KHDRBS2: variants seen among roughly 807,000 people sequenced by gnomAD.
KHDRBS2 encodes KH domain-containing, RNA-binding, signal transduction-associated protein 2.
A neutral mutation model predicts 44.3 loss-of-function variants in KHDRBS2; 26 were observed. The observed-to-expected ratio is 0.59, with a 90% CI of 0.43 to 0.81. The LOEUF is 0.81. KHDRBS2 is among the 40% of genes least tolerant of loss of function. The pLI is 0.00. For synonymous variants in KHDRBS2, 194 were observed against 151.1 expected (o/e 1.28, Z -2.08); for missense variants, 476 against 433.1 (o/e 1.10, Z -0.88).
rs1435476752 is a variant in KHDRBS2, at chr6:62,006,861, CATAA to C, written c.337-28653_337-28650del. The stretch of plus-strand genomic sequence containing the variant: ...GGAATCATCAAAATATATCAATAAA[CATAA>C]ATAAAATAAAGCCTCAAAATATAAG... On this transcript the variant is annotated intron_variant, in intron 3 of 8. Transcript: ENST00000281156. 4.6e-5 allele frequency among the ~76,000 whole-genome samples: 7 copies of C among 151,776 alleles called. No homozygotes were observed. The East Asian group carries it at 1.2e-3, about 25-fold the overall frequency.
chr6:61,646,100 C>T, the KHDRBS2 span, among the ~76,000 whole-genome samples: 2,161 of 152,204 alleles, frequency 0.014, 22 homozygotes, highest in Non-Finnish European at 0.021. Flanking sequence ...AAGGATTAAA[C>T]GAGTCAGTCC....
chr6:62,061,727 C>T (rs895580490), intron 2 of KHDRBS2, among the ~76,000 whole-genome samples: 38 of 150,432 alleles, frequency 2.5e-4, no homozygotes, highest in Admixed American at 2.0e-3. Context: ...GCCTGCCTTG[C>T]TAGATTGGGG....
chr6:61,831,583 T>C (rs989994216), intron 6 of KHDRBS2, among the ~76,000 whole-genome samples: 3 of 152,110 alleles, frequency 2.0e-5, no homozygotes, highest in African/African-American at 7.2e-5. Flanking sequence ...TGAACCTTCA[T>C]AGTATAACCC....
chr6:62,092,545 C>A (rs1799683668), intron 2 of KHDRBS2, among the ~76,000 whole-genome samples: 1 of 152,076 alleles, frequency 6.6e-6, no homozygotes, highest in South Asian at 2.1e-4. Flanking sequence ...TGCCCGTGGG[C>A]AAAATGGATA....
intron 6 of KHDRBS2, among the ~76,000 whole-genome samples, chr6:61,845,400 C>T (rs1794247228): frequency 6.6e-6 from 1 of 151,348 alleles, no homozygotes; most frequent in African/African-American, 2.4e-5. Flanking sequence ...ACCTCCGCCT[C>T]CCGGGTTCGA....
At chr6:61,692,960 T>G (rs993055315) in intron 8 of KHDRBS2, among the ~76,000 whole-genome samples, 4 of 152,100 alleles carry the variant, frequency 2.6e-5, no homozygotes, top group Non-Finnish European at 5.9e-5. Flanking sequence ...AATACAGACA[T>G]TCCATTGGAA....
At chr6:61,805,341 C>T (rs1786981407) in intron 6 of KHDRBS2, among the ~76,000 whole-genome samples, 1 of 152,148 alleles carries the variant, frequency 6.6e-6, no homozygotes, top group African/African-American at 2.4e-5. Flanking sequence ...TTGTTCATAT[C>T]ACTATCAGCA....
chr6:62,146,427 A>C (rs562880965), intron 2 of KHDRBS2, among the ~76,000 whole-genome samples: 1 of 151,670 alleles, frequency 6.6e-6, no homozygotes, highest in Non-Finnish European at 1.5e-5. Flanking sequence ...TTACCTCATT[A>C]AATCTTATTT....
chr6:61,543,149 G>A, the KHDRBS2 span, among the ~76,000 whole-genome samples: 5 of 151,892 alleles, frequency 3.3e-5, no homozygotes, highest in Non-Finnish European at 5.9e-5. Context: ...GCACAGAAAA[G>A]GAAACAGTCT....
the KHDRBS2 span, among the ~76,000 whole-genome samples, chr6:61,600,626 C>A: frequency 6.6e-6 from 1 of 152,068 alleles, no homozygotes; most frequent in Non-Finnish European, 1.5e-5. Context: ...TTCACATGGA[C>A]GCGAGTGAAA....
At chr6:62,056,831 T>A (rs1790392634) in intron 2 of KHDRBS2, among the ~76,000 whole-genome samples, 2 of 151,962 alleles carry the variant, frequency 1.3e-5, no homozygotes, top group South Asian at 4.1e-4. Flanking sequence ...GAGGACAGAT[T>A]ATTGACAGAA....
chr6:61,943,097 A>G (rs1245509288), intron 4 of KHDRBS2, among the ~76,000 whole-genome samples: 1 of 151,524 alleles, frequency 6.6e-6, no homozygotes, highest in Non-Finnish European at 1.5e-5. Flanking sequence ...AAAGAAAGAA[A>G]GGAAGAAAGA....
chr6:61,876,743 A>G (rs1289353359), intron 6 of KHDRBS2, among the ~76,000 whole-genome samples: 1 of 152,030 alleles, frequency 6.6e-6, no homozygotes, highest in Non-Finnish European at 1.5e-5. Flanking sequence ...ATCTCTGGGA[A>G]TTGATAGAGT....
At chr6:62,230,849 T>G (rs1338861811) in intron 1 of KHDRBS2, among the ~76,000 whole-genome samples, 1 of 152,166 alleles carries the variant, frequency 6.6e-6, no homozygotes, top group Non-Finnish European at 1.5e-5. Flanking sequence ...ATTTTTTACT[T>G]AATAACCTAT....
At chr6:62,061,757 C>T (rs531282198) in intron 2 of KHDRBS2, among the ~76,000 whole-genome samples, 1 of 149,158 alleles carries the variant, frequency 6.7e-6, no homozygotes, top group Non-Finnish European at 1.5e-5. Flanking sequence ...TGGATAATAT[C>T]CTGCAGAGTG....
At chr6:61,990,096 C>T (rs1775844577) in intron 3 of KHDRBS2, among the ~76,000 whole-genome samples, 2 of 152,104 alleles carry the variant, frequency 1.3e-5, no homozygotes, top group South Asian at 2.1e-4. Context: ...TTTACTTCCT[C>T]ATGCCTCTAC....
At chr6:62,216,751 G>C (rs1830066413) in intron 1 of KHDRBS2, among the ~76,000 whole-genome samples, 1 of 145,638 alleles carries the variant, frequency 6.9e-6, no homozygotes. Context: ...AATGAGAGAA[G>C]TACCAGTTTC....
chr6:61,604,505 G>A, the KHDRBS2 span, among the ~76,000 whole-genome samples: 3 of 152,140 alleles, frequency 2.0e-5, no homozygotes, highest in East Asian at 3.8e-4. Flanking sequence ...AGCCTCACAG[G>A]CCCATTCTAT....
In KHDRBS2 at chr6:61,813,857, T is replaced by A. The variant is rs1562233147; in HGVS notation, c.810+80778A>T. ...TCCTCCTTGGTGACCTTCCAGTGCA[T>A]AGAAGTAGTAGTATGACACACACTA... is the stretch of plus-strand genomic sequence containing the variant. On this transcript the variant is annotated intron_variant, in intron 6 of 8. Transcript: ENST00000281156. 8.9e-6 allele frequency: 4 copies of A among 450,564 alleles called. No individual in the cohort carries two copies. The East Asian group carries it at 2.8e-4, about 31-fold the overall frequency. The allele number at this position is 450,564 out of a possible 1,614,324, so 27.9% of individuals were successfully genotyped here. A position where few individuals can be genotyped will look rare whatever the true frequency, so the allele number is the denominator to read the frequency against.
Sources: gnomAD v4.1 joint callset for allele counts (sites outside exome capture counted in the v4.1 genomes callset) on GRCh38, gnomAD v4.1.1 for gene constraint, MANE v1.5 for transcripts, NCBI Gene and HGNC (gene_info 2026-07-23, HGNC 2026-07-21) for gene names.